The following KIAA1217 variants were observed in gnomAD, a reference collection of about 807,000 sequenced individuals.
The protein encoded by KIAA1217 is sickle tail protein homolog.
Under a neutral mutation model 163.9 loss-of-function variants are expected in KIAA1217, and 88 were observed. The ratio of observed to expected loss-of-function variants is 0.54; its 90% CI spans 0.45 to 0.64. The LOEUF (loss-of-function observed/expected upper bound fraction) is 0.64, where lower values mean the gene tolerates loss of function less well. Ranked by LOEUF, KIAA1217 falls within the 30% of genes least tolerant of loss-of-function variation. The pLI is 0.00. For synonymous variants in KIAA1217, 903 were observed against 923.1 expected (o/e 0.98, Z 0.39); for missense variants, 2,372 against 2,475.0 (o/e 0.96, Z 0.88).
chr10:24,217,031 C>CAAA (rs60303909), intron 1 of KIAA1217, among the ~76,000 whole-genome samples: 1,027 of 21,314 alleles, frequency 0.048, 396 homozygotes, highest in African/African-American at 0.14. Context: ...GACCTTGTCT[C>CAAA]AAAAAAAAAA....
chr10:24,440,767 A>C (rs539527238), intron 5 of KIAA1217, among the ~76,000 whole-genome samples: 1 of 152,332 alleles, frequency 6.6e-6, no homozygotes, highest in African/African-American at 2.4e-5. Context: ...AATGTTCACC[A>C]TCTAACCAGC....
chr10:24,144,422 T>C (rs1310615601), intron 2 of KIAA1217, among the ~76,000 whole-genome samples: 1 of 152,210 alleles, frequency 6.6e-6, no homozygotes, highest in African/African-American at 2.4e-5. Context: ...TTTTAAAATG[T>C]GTTTATAAGG....
At chr10:23,798,445 G>A (rs1836310320) in intron 1 of KIAA1217, among the ~76,000 whole-genome samples, 1 of 152,066 alleles carries the variant, frequency 6.6e-6, no homozygotes, top group African/African-American at 2.4e-5. Flanking sequence ...GCTTGGGCTT[G>A]GACAATTGAC....
chr10:24,055,705 T>A (rs1849844224), intron 2 of KIAA1217, among the ~76,000 whole-genome samples: 7 of 152,138 alleles, frequency 4.6e-5, no homozygotes, highest in Admixed American at 4.6e-4. Flanking sequence ...CAATGTAAAG[T>A]CATTTTTTTT....
chr10:23,905,063 C>CTTTTTTT (rs562938938), intron 1 of KIAA1217, among the ~76,000 whole-genome samples: 7 of 99,946 alleles, frequency 7.0e-5, no homozygotes, highest in Non-Finnish European at 1.2e-4. Flanking sequence ...TTCTCTTTTC[C>CTTTTTTT]TTTTTTTTTT....
intron 2 of KIAA1217, among the ~76,000 whole-genome samples, chr10:24,241,054 C>T (rs1420831686): frequency 1.3e-5 from 2 of 151,964 alleles, no homozygotes; most frequent in African/African-American, 4.8e-5. Flanking sequence ...ACCATGATGC[C>T]CAGGCTGGTC....
chr10:23,696,714 G>A (rs1282981254), intron 1 of KIAA1217, among the ~76,000 whole-genome samples: 2 of 152,162 alleles, frequency 1.3e-5, no homozygotes, highest in Non-Finnish European at 2.9e-5. Context: ...GTGCTACCTG[G>A]TTTTAACCAC....
At chr10:24,084,945 G>T (rs2061648517) in intron 2 of KIAA1217, among the ~76,000 whole-genome samples, 2 of 134,348 alleles carry the variant, frequency 1.5e-5, no homozygotes, top group Non-Finnish European at 3.0e-5. Context: ...ACGGAGTCTC[G>T]CTCTGTCGCC....
At chr10:23,964,308 G>A (rs1034305563) in intron 1 of KIAA1217, among the ~76,000 whole-genome samples, 4 of 119,748 alleles carry the variant, frequency 3.3e-5, no homozygotes, top group African/African-American at 1.2e-4. Flanking sequence ...TTTTTTTTTT[G>A]TAAATTTGTT....
chr10:24,520,688 A>AC (rs370017339), intron 11 of KIAA1217, among the ~76,000 whole-genome samples: 27,686 of 115,842 alleles, frequency 0.24, 4,845 homozygotes, highest in Middle Eastern at 0.37. Flanking sequence ...ACACACACAC[A>AC]AAAAAAAATT....
At chr10:24,366,226 C>A (rs1283809326) in intron 2 of KIAA1217, among the ~76,000 whole-genome samples, 1 of 152,122 alleles carries the variant, frequency 6.6e-6, no homozygotes, top group Non-Finnish European at 1.5e-5. Context: ...AGGCAGATCA[C>A]TTGAGGTTAG....
upstream of KIAA1217, among the ~76,000 whole-genome samples, chr10:24,207,436 C>G (rs1020652273): frequency 5.3e-5 from 8 of 152,154 alleles, no homozygotes; most frequent in Non-Finnish European, 1.0e-4. Context: ...GCAGGGCCCT[C>G]CTTCATGAAC....
chr10:24,282,668 T>C (rs779329079), intron 2 of KIAA1217, among the ~76,000 whole-genome samples: 1 of 152,060 alleles, frequency 6.6e-6, no homozygotes, highest in South Asian at 2.1e-4. Context: ...GGTTTGTGGG[T>C]TCTTTGTTTT....
intron 2 of KIAA1217, among the ~76,000 whole-genome samples, chr10:24,081,300 T>G (rs1213018812): frequency 1.3e-5 from 2 of 152,214 alleles, no homozygotes; most frequent in African/African-American, 2.4e-5. Context: ...ATGGCTACGC[T>G]AATGTCAAGC....
At chr10:24,472,379 A>T (rs779944405) in intron 5 of KIAA1217, among the ~76,000 whole-genome samples, 1 of 152,214 alleles carries the variant, frequency 6.6e-6, no homozygotes, top group African/African-American at 2.4e-5. Context: ...TGGTGAATGA[A>T]TGAAACTTCC....
At chr10:24,133,309 A>C (rs1394624531) in intron 2 of KIAA1217, among the ~76,000 whole-genome samples, 1 of 152,144 alleles carries the variant, frequency 6.6e-6, no homozygotes, top group African/African-American at 2.4e-5. Flanking sequence ...ACGGTGTCTC[A>C]TGCTATAATC....
chr10:24,272,350 AT>A (rs2076856010), intron 2 of KIAA1217, among the ~76,000 whole-genome samples: 1 of 152,056 alleles, frequency 6.6e-6, no homozygotes. Context: ...TTTCCACTTA[AT>A]TTTTTTGGCC....
chr10:24,480,670 A>G (rs973069375), intron 6 of KIAA1217, among the ~76,000 whole-genome samples: 2 of 152,222 alleles, frequency 1.3e-5, no homozygotes, highest in African/African-American at 4.8e-5. Context: ...AAAGCACTCT[A>G]CTAAGTGCTA....
At chr10:24,420,219 A>G (rs1258721034) in intron 3 of KIAA1217, among the ~76,000 whole-genome samples, 3 of 152,212 alleles carry the variant, frequency 2.0e-5, no homozygotes, top group African/African-American at 4.8e-5. Flanking sequence ...TGAGGCTGTT[A>G]TATTTTCTGA....
Sources: gnomAD v4.1 joint callset for allele counts (sites outside exome capture counted in the v4.1 genomes callset) on GRCh38, gnomAD v4.1.1 for gene constraint, MANE v1.5 for transcripts, NCBI Gene and HGNC (gene_info 2026-07-23, HGNC 2026-07-21) for gene names.